RTN4RL1: variants seen among roughly 807,000 people sequenced by gnomAD.
The protein encoded by RTN4RL1 is reticulon 4 receptor like 1.
RTN4RL1 carries 7 observed loss-of-function variants against 25.6 expected under a neutral mutation model. The observed-to-expected ratio is 0.27, with a 90% CI of 0.16 to 0.51. The LOEUF is 0.51. Among genes scored for constraint, RTN4RL1 ranks in the 20% least tolerant of loss-of-function variants. The pLI is 0.97. For synonymous variants in RTN4RL1, 297 were observed against 288.2 expected, an observed-to-expected ratio of 1.03 and a Z score of -0.31; for missense variants, 500 against 615.6, an observed-to-expected ratio of 0.81 and a Z score of 1.99.
intron 1 of RTN4RL1, among the ~76,000 whole-genome samples, chr17:1,939,929 C>T (rs990458610): frequency 2.0e-5 from 3 of 152,186 alleles, no homozygotes; most frequent in East Asian, 1.9e-4. Context: ...ATGGGAGAGC[C>T]GGGGCACCCA....
At chr17:1,986,232 G>A (rs1438283775) in intron 1 of RTN4RL1, among the ~76,000 whole-genome samples, 1 of 152,016 alleles carries the variant, frequency 6.6e-6, no homozygotes, top group Non-Finnish European at 1.5e-5. Context: ...TGAAGGACTC[G>A]GTGAGGATTA....
At chr17:1,993,770 G>A (rs1160059175) in intron 1 of RTN4RL1, among the ~76,000 whole-genome samples, 2 of 151,250 alleles carry the variant, frequency 1.3e-5, no homozygotes, top group African/African-American at 2.4e-5. Flanking sequence ...GGGTGCCATC[G>A]CGTTTTGAAT....
intron 1 of RTN4RL1, among the ~76,000 whole-genome samples, chr17:1,968,651 C>T (rs868068121): frequency 6.6e-6 from 1 of 152,110 alleles, no homozygotes; most frequent in African/African-American, 2.4e-5. Context: ...GGCCTGGGGT[C>T]ACACCATCCC....
At chr17:1,964,716 A>G (rs1050468757) in intron 1 of RTN4RL1, among the ~76,000 whole-genome samples, 1 of 151,366 alleles carries the variant, frequency 6.6e-6, no homozygotes, top group Admixed American at 6.6e-5. Context: ...TGGGCGACAG[A>G]GCAAGAACCT....
intron 1 of RTN4RL1, among the ~76,000 whole-genome samples, chr17:1,971,929 TC>T (rs60671317): frequency 0.1 from 13,524 of 134,812 alleles, 901 homozygotes; most frequent in African/African-American, 0.18. Context: ...GCCACTGCAC[TC>T]CAGCCTGGGC....
chr17:2,019,106 C>CA (rs1485364054), intron 1 of RTN4RL1: 2 of 152,210 alleles, frequency 1.3e-5, no homozygotes, highest in Non-Finnish European at 2.9e-5. Flanking sequence ...ATGGTTCCCT[C>CA]AGTCTTCTCC....
chr17:1,941,672 A>C (rs1380375841), intron 1 of RTN4RL1, among the ~76,000 whole-genome samples: 1 of 151,720 alleles, frequency 6.6e-6, no homozygotes, highest in African/African-American at 2.4e-5. Context: ...CAGGGGACCC[A>C]CCCCAGGGAA....
chr17:2,011,796 G>A (rs11078768), intron 1 of RTN4RL1, among the ~76,000 whole-genome samples: 45,459 of 152,062 alleles, frequency 0.3, 7,322 homozygotes, highest in East Asian at 0.55. Context: ...ACAATCTCAA[G>A]GCAGCCCCGG....
At chr17:1,969,058 C>CTATTTTT (rs2066806002) in intron 1 of RTN4RL1, among the ~76,000 whole-genome samples, 1 of 103,892 alleles carries the variant, frequency 9.6e-6, no homozygotes, top group Non-Finnish European at 1.8e-5. Flanking sequence ...ACCACTGTCC[C>CTATTTTT]TTTTTTTTTT....
At chr17:1,965,602 G>A (rs1343294220) in intron 1 of RTN4RL1, among the ~76,000 whole-genome samples, 1 of 152,140 alleles carries the variant, frequency 6.6e-6, no homozygotes, top group Non-Finnish European at 1.5e-5. Flanking sequence ...CAGTTACCGT[G>A]GAGGAGCAGG....
intron 1 of RTN4RL1, among the ~76,000 whole-genome samples, chr17:1,967,590 G>A (rs1454804549): frequency 6.6e-6 from 1 of 151,404 alleles, no homozygotes; most frequent in African/African-American, 2.4e-5. Flanking sequence ...CCTCCTCCCA[G>A]ACAGCCATGC....
intron 1 of RTN4RL1, among the ~76,000 whole-genome samples, chr17:1,976,361 T>A (rs2066842752): frequency 6.6e-6 from 1 of 152,264 alleles, no homozygotes; most frequent in South Asian, 2.1e-4. Context: ...TAATGAACAC[T>A]TTCCCCAGAT....
chr17:1,950,081 G>A lies in RTN4RL1; in HGVS notation c.14-12273C>T, dbSNP rs556004187. Among the ~76,000 whole-genome samples, 4 of 152,322 alleles carry A rather than the reference G, an allele frequency of 2.6e-5. No homozygotes were observed. The East Asian group carries it at 7.7e-4, about 29-fold the overall frequency. On this transcript the variant is annotated intron_variant, in intron 1 of 1. Transcript: ENST00000331238. Reference sequence around the variant, plus strand: ...GTTTGGATCTAATTCTGAGTGTGATGAGAAGTCACTGAAGAGCCCGGGGCG... The same window carrying A: ...GTTTGGATCTAATTCTGAGTGTGATAAGAAGTCACTGAAGAGCCCGGGGCG...
rs764604442 is a variant in RTN4RL1 at position 1,991,446 on chromosome 17, T to TAA, written c.13+33405_13+33406dup. 1.1e-3 allele frequency among the ~76,000 whole-genome samples: 34 copies of TAA among 31,222 alleles called. 2 individuals are homozygous for TAA. The highest frequency in any genetic ancestry group is 1.6e-3 in the Admixed American group (5 of 3,116). The allele number at this position is 31,222 out of a possible 152,430, so 20.5% of individuals were successfully genotyped here. ...TCGAAAAGATAATACATGCACATAGTAAAAAAAAAAAAAAAAACAAAAAAA... is the reference window on the plus strand; with the variant it reads ...TCGAAAAGATAATACATGCACATAGTAAAAAAAAAAAAAAAAAAACAAAAAAA... On this transcript the variant is annotated intron_variant, in intron 1 of 1. Transcript: ENST00000331238.
At chr17:2,013,403 A>G (rs928478101) in intron 1 of RTN4RL1, among the ~76,000 whole-genome samples, 1 of 152,214 alleles carries the variant, frequency 6.6e-6, no homozygotes, top group African/African-American at 2.4e-5. Context: ...CCTGACTTCC[A>G]GCTGCAAAGA....
intron 1 of RTN4RL1, among the ~76,000 whole-genome samples, chr17:1,989,091 T>G (rs1287646899): frequency 6.6e-6 from 1 of 152,008 alleles, no homozygotes; most frequent in Admixed American, 6.6e-5. Context: ...CAGAGAGTAA[T>G]CTAGACCACC....
intron 1 of RTN4RL1, among the ~76,000 whole-genome samples, chr17:1,972,187 GT>G (rs1567513687): frequency 1.3e-5 from 2 of 151,508 alleles, no homozygotes; most frequent in Non-Finnish European, 2.9e-5. Context: ...GGCACCTGTA[GT>G]CCCAGCTACT....
In RTN4RL1 at chr17:2,015,739, T is replaced by C. The variant is rs544172179; in HGVS notation, c.13+9114A>G. 4.6e-5 allele frequency among the ~76,000 whole-genome samples: 7 copies of C among 152,068 alleles called. No individual in the cohort carries two copies. In the South Asian group the frequency reaches 1.0e-3, roughly 23 times the overall value. ...GGTGAGAATAAGGAGTCTCCAAGTG[T>C]GGACAACCCCTTCCTTGATCCGGGC... is the stretch of plus-strand genomic sequence containing the variant. On this transcript the variant is annotated intron_variant, in intron 1 of 1. Coordinates refer to ENST00000331238, the MANE Select transcript of RTN4RL1 (RefSeq NM_178568.4).
intron 1 of RTN4RL1, among the ~76,000 whole-genome samples, chr17:1,940,836 G>C (rs1398415660): frequency 6.6e-6 from 1 of 152,130 alleles, no homozygotes; most frequent in African/African-American, 2.4e-5. Context: ...AGGGAGCCAG[G>C]GTGCCCCTCC....
Sources: allele counts gnomAD v4.1 joint callset (sites outside exome capture counted in the v4.1 genomes callset), GRCh38; gene constraint gnomAD v4.1.1; transcripts MANE v1.5; gene names NCBI Gene and HGNC (gene_info 2026-07-23, HGNC 2026-07-21).